The following CPNE1 variants were observed in gnomAD, a reference collection of about 807,000 sequenced individuals.
CPNE1 encodes the protein copine-1.
CPNE1 carries 58 observed loss-of-function variants against 63.2 expected under a neutral mutation model. The ratio of observed to expected loss-of-function variants is 0.92; its 90% CI spans 0.74 to 1.14. CPNE1 has a LOEUF of 1.14. Ranked by LOEUF, CPNE1 falls within the 50% of genes most tolerant of loss-of-function variation. CPNE1 has a pLI of 0.00. For synonymous variants in CPNE1, 237 were observed against 249.0 expected, an observed-to-expected ratio of 0.95 and a Z score of 0.45; for missense variants, 672 against 661.7, an observed-to-expected ratio of 1.02 and a Z score of -0.17.
intron 1 of CPNE1, chr20:35,654,074 G>C (rs752561317): frequency 6.2e-7 from 1 of 1,614,176 alleles, no homozygotes; most frequent in Non-Finnish European, 8.5e-7. Context: ...GATCTTTTCT[G>C]CCCACTGGGC....
At chr20:35,652,292 G>A (rs1160838251) in intron 1 of CPNE1, 4 of 459,972 alleles carry the variant, frequency 8.7e-6, no homozygotes, top group African/African-American at 6.0e-5. Context: ...CTAATGGTAT[G>A]CCAAAATCAT....
chr20:35,644,361 T>G (rs1250827053), intron 1 of CPNE1, among the ~76,000 whole-genome samples: 1 of 152,174 alleles, frequency 6.6e-6, no homozygotes, highest in Non-Finnish European at 1.5e-5. Flanking sequence ...CCCCTTTGAA[T>G]TTCTCAAGCT....
At chr20:35,662,887 T>C (rs1262458147) in intron 1 of CPNE1, among the ~76,000 whole-genome samples, 1 of 152,224 alleles carries the variant, frequency 6.6e-6, no homozygotes, top group African/African-American at 2.4e-5. Context: ...CACAATTATT[T>C]CTAAAGCTTC....
chr20:35,664,604 G>A (rs1446258117), intron 1 of CPNE1, 156 bp downstream of exon 1: 1 of 152,386 alleles, frequency 6.6e-6, no homozygotes, highest in African/African-American at 2.4e-5. Context: ...AGAGGCCTAA[G>A]TGGCATCCCA....
Position 35,663,519 on chromosome 20 carries a change from A to C in CPNE1, c.-1+1241T>G, listed in dbSNP as rs188818149. On this transcript the variant is annotated intron_variant, in intron 1 of 15. Transcript: ENST00000397443. The stretch of plus-strand genomic sequence containing the variant: ...TTTTCCAGTGGGTTATACTGACTCT[A>C]TTATTGAATAATATAAAACGGTCCC... Among the ~76,000 whole-genome samples, 25 of 152,286 alleles carry C rather than the reference A, an allele frequency of 1.6e-4. No homozygotes were observed. In the East Asian group the frequency reaches 4.2e-3, roughly 26 times the overall value.
intron 1 of CPNE1, among the ~76,000 whole-genome samples, chr20:35,659,664 TAAATA>T (rs941836618): frequency 3.9e-5 from 6 of 151,948 alleles, no homozygotes; most frequent in Admixed American, 1.3e-4. Context: ...AAAATTTAAA[TAAATA>T]AAATAAAATA....
chr20:35,631,483 A>G lies in CPNE1; in HGVS notation c.714+9T>C. 6.2e-7 allele frequency: 1 copy of G among 1,613,532 alleles called. No homozygotes were observed. Among genetic ancestry groups the G allele is most frequent in the Non-Finnish European group, 8.5e-7 (1 of 1,179,536 alleles). On this transcript the variant is annotated intron_variant, in intron 8 of 15. Coordinates refer to ENST00000397443, the MANE Select transcript of CPNE1 (RefSeq NM_152925.3). ...CCATTTCCACACCCCTGGCAAGACC[A>G]GCACTCACCGGGACTGCCTGCAGCT...
intron 1 of CPNE1, chr20:35,654,769 A>G (rs768845060): frequency 5.6e-6 from 9 of 1,613,874 alleles, no homozygotes; most frequent in Non-Finnish European, 7.6e-6. Context: ...TGGCGGCGGG[A>G]CTGTGTTCAT....
In CPNE1 at chr20:35,627,431, A is replaced by G. The variant is rs201885779; in HGVS notation, c.1103-18T>C. 1.4e-5 allele frequency: 22 copies of G among 1,612,916 alleles called. No homozygotes were observed. The East Asian group carries it at 4.9e-4, about 36-fold the overall frequency. ...CTGGATGCCTGCAGAGGAGAGCAAG[A>G]AATACCGTAAAATCCTGGACCTCTC... is the stretch of plus-strand genomic sequence containing the variant. On this transcript the variant is annotated intron_variant, in intron 13 of 15. Transcript: ENST00000397443.
chr20:35,630,838 T>C (rs1165406827), intron 11 of CPNE1, 43 bp from the exon 12 acceptor site: 2 of 1,606,486 alleles, frequency 1.2e-6, no homozygotes, highest in Non-Finnish European at 1.7e-6. Flanking sequence ...GTGAGGGGAC[T>C]GTAAGCTCAG....
intron 1 of CPNE1, among the ~76,000 whole-genome samples, chr20:35,647,780 C>A (rs1265765636): frequency 6.6e-6 from 1 of 151,694 alleles, no homozygotes; most frequent in Non-Finnish European, 1.5e-5. Context: ...ACCAGCTGGG[C>A]ACGGTGGCTC....
chr20:35,656,862 G>C (rs897706339), intron 1 of CPNE1, among the ~76,000 whole-genome samples: 4 of 147,136 alleles, frequency 2.7e-5, no homozygotes, highest in Admixed American at 2.0e-4. Flanking sequence ...CCCTCAGAAA[G>C]GTTATAAATT....
chr20:35,633,690 T>G (rs942110038), intron 1 of CPNE1, among the ~76,000 whole-genome samples: 1 of 152,126 alleles, frequency 6.6e-6, no homozygotes, highest in African/African-American at 2.4e-5. Flanking sequence ...CAGTGGCTCA[T>G]GCCTGTAATC....
At chr20:35,645,961 G>A (rs750201988) in intron 1 of CPNE1, among the ~76,000 whole-genome samples, 2 of 151,894 alleles carry the variant, frequency 1.3e-5, no homozygotes, top group African/African-American at 2.4e-5. Flanking sequence ...AAGAAACTGA[G>A]GCCAGGCATA....
At chr20:35,636,893 T>A (rs970175177) in intron 1 of CPNE1, among the ~76,000 whole-genome samples, 5 of 152,054 alleles carry the variant, frequency 3.3e-5, no homozygotes, top group Non-Finnish European at 7.4e-5. Context: ...CATAAATAAA[T>A]ACACACACAG....
chr20:35,657,897 C>T (rs2033995854), intron 1 of CPNE1, among the ~76,000 whole-genome samples: 1 of 152,032 alleles, frequency 6.6e-6, no homozygotes, highest in South Asian at 2.1e-4. Flanking sequence ...CCCGTCTCTA[C>T]TAAAAACACA....
Position 35,627,380 on chromosome 20 carries a change from G to C in CPNE1, c.1136C>G (p.Ala379Gly), listed in dbSNP as rs2031826457. ...GCCATAGAGGCGAACTTGGGGCAGG[G>C]CTTGGCGGTAGGCATCCACAATGCC... ...IQGIVDAYRQALPQVRLYGPT... is the reference protein window; with the variant it reads ...IQGIVDAYRQGLPQVRLYGPT... The change falls in exon 14 of 16, where the codon GCC becomes GGC. Residue 379 changes from alanine (A) to glycine (G), a missense_variant. Ala to Gly is a moderately conservative substitution (Grantham distance 60). Transcript: ENST00000397443. The C allele has an allele frequency of 6.2e-7, 1 of 1,613,944 alleles. No individual in the cohort carries two copies. Among genetic ancestry groups the C allele is most frequent in the Non-Finnish European group, 8.5e-7 (1 of 1,180,016 alleles).
chr20:35,639,091 C>CAA (rs907971518), intron 1 of CPNE1, among the ~76,000 whole-genome samples: 4 of 88,706 alleles, frequency 4.5e-5, no homozygotes, highest in East Asian at 3.0e-4. Flanking sequence ...TAAAATTTTA[C>CAA]AAAAAAAAAA....
chr20:35,635,629 C>A (rs963259235), intron 1 of CPNE1, among the ~76,000 whole-genome samples: 8 of 152,128 alleles, frequency 5.3e-5, no homozygotes, highest in African/African-American at 1.9e-4. Flanking sequence ...TCCCCCTTGG[C>A]CCATATACCT....
Sources: allele counts gnomAD v4.1 joint callset (sites outside exome capture counted in the v4.1 genomes callset), GRCh38; gene constraint gnomAD v4.1.1; transcripts MANE v1.5; gene names NCBI Gene and HGNC (gene_info 2026-07-23, HGNC 2026-07-21).